CADPS2: variants seen among roughly 807,000 people sequenced by gnomAD.
The protein encoded by CADPS2 is calcium-dependent secretion activator 2.
Under a neutral mutation model 172.5 loss-of-function variants are expected in CADPS2, and 93 were observed. That is an observed-to-expected ratio of 0.54 (90% CI 0.46 to 0.64). The LOEUF (loss-of-function observed/expected upper bound fraction) is 0.64, where lower values mean the gene tolerates loss of function less well. Among genes scored for constraint, CADPS2 ranks in the 30% least tolerant of loss-of-function variants. The probability of loss-of-function intolerance (pLI) is 0.00; values close to 1 mark genes in which losing one functional copy is unlikely to be tolerated. For missense variants in CADPS2, 1,420 were observed against 1,565.9 expected, an observed-to-expected ratio of 0.91 and a Z score of 1.57; for synonymous variants, 546 against 555.2, an observed-to-expected ratio of 0.98 and a Z score of 0.23.
chr7:122,491,997 C>G (rs898816373), intron 9 of CADPS2, among the ~76,000 whole-genome samples: 5 of 151,970 alleles, frequency 3.3e-5, no homozygotes, highest in Admixed American at 2.6e-4. Context: ...ACGGTGAAAC[C>G]CCATCTCTAT....
At chr7:122,463,585 C>T (rs566468860) in intron 14 of CADPS2, among the ~76,000 whole-genome samples, 1 of 152,250 alleles carries the variant, frequency 6.6e-6, no homozygotes, top group Admixed American at 6.5e-5. Flanking sequence ...GGGGAAGTTA[C>T]AGCCCTAAAC....
At chr7:122,763,889 A>G (rs560504394) in intron 1 of CADPS2, among the ~76,000 whole-genome samples, 59 of 152,284 alleles carry the variant, frequency 3.9e-4, no homozygotes, top group Admixed American at 2.1e-3. Context: ...CCAATACACT[A>G]TTTTATATGA....
At chr7:122,795,705 C>T (rs1193959011) in intron 1 of CADPS2, among the ~76,000 whole-genome samples, 1 of 152,024 alleles carries the variant, frequency 6.6e-6, no homozygotes, top group Non-Finnish European at 1.5e-5. Context: ...TATTGAAGGA[C>T]TATACCTCAA....
chr7:122,810,589 T>A (rs908460515), intron 1 of CADPS2, among the ~76,000 whole-genome samples: 1 of 152,190 alleles, frequency 6.6e-6, no homozygotes, highest in Non-Finnish European at 1.5e-5. Context: ...GGCTATGTAA[T>A]AATGTAATAA....
At chr7:122,816,548 C>A (rs1038406618) in intron 1 of CADPS2, among the ~76,000 whole-genome samples, 9 of 152,208 alleles carry the variant, frequency 5.9e-5, no homozygotes, top group African/African-American at 2.2e-4. Context: ...TTTGGACATA[C>A]AGCAGTGGAA....
intron 1 of CADPS2, among the ~76,000 whole-genome samples, chr7:122,861,001 C>T (rs1435923153): frequency 4.6e-5 from 7 of 152,094 alleles, no homozygotes; most frequent in African/African-American, 9.7e-5. Flanking sequence ...TCCAGTCATC[C>T]AATGATAGAC....
Position 122,701,878 on chromosome 7 carries a change from G to C in CADPS2, c.453+35077C>G, listed in dbSNP as rs776642768. On this transcript the variant is annotated intron_variant, in intron 2 of 29. Coordinates refer to ENST00000449022, the MANE Select transcript of CADPS2 (RefSeq NM_017954.11). ...ACTTGCACATGGGACATGTCCTATG[G>C]GCTAAAAGCCAGGGGTCAATGCATG... 10 of 1,613,120 alleles carry C rather than the reference G, an allele frequency of 6.2e-6. No individual in the cohort carries two copies. The South Asian group carries it at 1.1e-4, about 18-fold the overall frequency.
intron 8 of CADPS2, among the ~76,000 whole-genome samples, chr7:122,548,015 A>G (rs2063799136): frequency 6.6e-6 from 1 of 152,154 alleles, no homozygotes; most frequent in Non-Finnish European, 1.5e-5. Context: ...CTACAAAATA[A>G]AAGTCATGTA....
rs536095986 is a variant in CADPS2 at position 122,607,066 on chromosome 7, C to T, written c.1223+8115G>A. On this transcript the variant is annotated intron_variant, in intron 6 of 29. Coordinates refer to ENST00000449022, the MANE Select transcript of CADPS2 (RefSeq NM_017954.11). ...AGCACCTACATACATAGACATTTCA[C>T]GCCTTCTTCCCCTTCCTACCAACTG... is the stretch of plus-strand genomic sequence containing the variant. 2.6e-5 allele frequency among the ~76,000 whole-genome samples: 4 copies of T among 152,184 alleles called. No individual in the cohort carries two copies. The South Asian group carries it at 6.2e-4, about 24-fold the overall frequency.
intron 25 of CADPS2, among the ~76,000 whole-genome samples, chr7:122,376,143 T>G (rs768404873): frequency 6.6e-6 from 1 of 152,102 alleles, no homozygotes; most frequent in Non-Finnish European, 1.5e-5. Context: ...TAAATTGGTG[T>G]AGCCACTATG....
At chr7:122,336,125 T>C (rs1442459908) in intron 28 of CADPS2, among the ~76,000 whole-genome samples, 2 of 152,222 alleles carry the variant, frequency 1.3e-5, no homozygotes, top group Non-Finnish European at 1.5e-5. Flanking sequence ...ATTTTATATA[T>C]AGTTTCCTGC....
At chr7:122,695,586 C>T (rs1006266352) in intron 2 of CADPS2, among the ~76,000 whole-genome samples, 1 of 152,152 alleles carries the variant, frequency 6.6e-6, no homozygotes, top group African/African-American at 2.4e-5. Flanking sequence ...AGTCCTCTAC[C>T]TGGCACATGG....
In CADPS2 at chr7:122,471,443, A is replaced by C; in HGVS notation, c.2118T>G (p.Gly706=). Reference sequence around the variant, plus strand: ...GGAGCAGGGTAGGGTCAATGACAGCACCATTTTCTGAATGTTCCATCAGTT... The same window carrying C: ...GGAGCAGGGTAGGGTCAATGACAGCCCCATTTTCTGAATGTTCCATCAGTT... ...LAELMEHSEN[G]AVIDPTLLHY... Residue 706 remains glycine (G), a synonymous_variant, in exon 14 of 30, where the codon GGT becomes GGG. Transcript: ENST00000449022. The C allele has an allele frequency of 6.2e-7, 1 of 1,613,556 alleles. No homozygotes were observed. The highest frequency in any genetic ancestry group is 8.5e-7 in the Non-Finnish European group (1 of 1,179,716).
chr7:122,712,671 A>T (rs1429505581), intron 2 of CADPS2, among the ~76,000 whole-genome samples: 1 of 152,104 alleles, frequency 6.6e-6, no homozygotes, highest in Non-Finnish European at 1.5e-5. Context: ...GGGCTGTTAT[A>T]ACAAATTACC....
intron 14 of CADPS2, 28 bp from the exon 15 acceptor site, chr7:122,451,503 C>T (rs2152039483): frequency 7.8e-7 from 1 of 1,279,564 alleles, no homozygotes; most frequent in Non-Finnish European, 1.1e-6. Context: ...ATCAATAATT[C>T]ATATTGATCG....
chr7:122,445,999 C>A (rs2052140904), intron 15 of CADPS2, among the ~76,000 whole-genome samples: 2 of 152,104 alleles, frequency 1.3e-5, no homozygotes, highest in African/African-American at 4.8e-5. Context: ...CTACCTAGAC[C>A]ATTTGTGACA....
chr7:122,663,332 C>A lies in CADPS2; in HGVS notation c.691G>T (p.Glu231Ter). ...PNRMALSAVS[E>*]LILSKEQLYE... ...AGTTGTTCCTTGCTCAGAATAAGTT[C>A]AGACACTGCACTTAGGGCCATTCTA... The change falls in exon 3 of 30, where the codon GAA becomes TAA. Residue 231 changes from glutamate to a stop codon, truncating the protein, a stop_gained. Coordinates refer to ENST00000449022, the MANE Select transcript of CADPS2 (RefSeq NM_017954.11). LOFTEE classifies it high-confidence loss of function. The A allele has an allele frequency of 6.2e-7, 1 of 1,613,914 alleles. No homozygotes were observed.
chr7:122,867,636 T>G (rs1818651647), intron 1 of CADPS2, among the ~76,000 whole-genome samples: 1 of 152,206 alleles, frequency 6.6e-6, no homozygotes, highest in Admixed American at 6.5e-5. Flanking sequence ...GAGTTTTGAC[T>G]GCATGGTCAT....
At chr7:122,820,795 G>C (rs1292398507) in intron 1 of CADPS2, among the ~76,000 whole-genome samples, 3 of 136,572 alleles carry the variant, frequency 2.2e-5, no homozygotes, top group East Asian at 2.0e-4. Context: ...TCCTGACCTC[G>C]TGATCCGCCC....
Sources: gnomAD v4.1 joint callset for allele counts (sites outside exome capture counted in the v4.1 genomes callset) on GRCh38, gnomAD v4.1.1 for gene constraint, MANE v1.5 for transcripts, NCBI Gene and HGNC (gene_info 2026-07-23, HGNC 2026-07-21) for gene names.